Variants in C1QTNF9 observed in about 807,000 individuals in gnomAD.
C1QTNF9 encodes complement C1q and tumor necrosis factor-related protein 9A.
In C1QTNF9, 6 loss-of-function variants were observed where a neutral mutation model predicts 10.1. That is an observed-to-expected ratio of 0.59 (90% CI 0.32 to 1.17). C1QTNF9 has a LOEUF of 1.17. C1QTNF9 is among the 50% of genes most tolerant of loss of function. The pLI, the probability that C1QTNF9 is intolerant of heterozygous loss-of-function variation, is 0.04. For synonymous variants in C1QTNF9, 98 were observed against 163.5 expected, an observed-to-expected ratio of 0.60 and a Z score of 3.06; for missense variants, 201 against 418.8, an observed-to-expected ratio of 0.48 and a Z score of 4.54.
Position 24,318,804 on chromosome 13 carries a change from G to A in C1QTNF9, c.167-14G>A, listed in dbSNP as rs181829504. ...GAATTTCAACTCATGCCTGTTTTCT[G>A]CTTTTCCACCTAGGAGAACCAGGAC... On this transcript the variant is annotated splice_polypyrimidine_tract_variant and intron_variant, in intron 2 of 3. Transcript: ENST00000332018. 104 of 1,614,218 alleles carry A rather than the reference G, an allele frequency of 6.4e-5. No homozygotes were observed. The Admixed American group carries it at 1.7e-3, about 26-fold the overall frequency.
chr13:24,316,755 G>T (rs1420206925), intron 2 of C1QTNF9, among the ~76,000 whole-genome samples: 1 of 152,168 alleles, frequency 6.6e-6, no homozygotes, highest in Non-Finnish European at 1.5e-5. Context: ...TGGGGGACAG[G>T]ATTCAGCCTC....
At chr13:24,321,411 T>G in exon 4 of C1QTNF9, 1 of 1,609,360 alleles carries the variant, frequency 6.2e-7, no homozygotes, top group Non-Finnish European at 8.5e-7. Context: ...GCAAGTTTCC[T>G]TCTTCAGATA....
intron 3 of C1QTNF9, 67 bp downstream of exon 3, chr13:24,318,947 C>T: frequency 1.9e-6 from 3 of 1,579,282 alleles, no homozygotes; most frequent in Non-Finnish European, 2.6e-6. Context: ...TTACCATGGA[C>T]AAGTCCTCCA....
chr13:24,307,557 G>A (rs1877645502), upstream of C1QTNF9, among the ~76,000 whole-genome samples: 1 of 152,224 alleles, frequency 6.6e-6, no homozygotes, highest in South Asian at 2.1e-4. Context: ...TTCCTATGAA[G>A]GCTGCCAAGT....
intron 1 of C1QTNF9, among the ~76,000 whole-genome samples, chr13:24,310,918 A>C (rs75784073): frequency 9.9e-5 from 15 of 151,462 alleles, no homozygotes; most frequent in African/African-American, 2.7e-4. Context: ...TCTCAAAAAA[A>C]AAAAAAAAAA....
chr13:24,316,459 C>T (rs537428607), intron 2 of C1QTNF9, among the ~76,000 whole-genome samples: 136 of 152,222 alleles, frequency 8.9e-4, no homozygotes, highest in African/African-American at 2.9e-3. Context: ...TCTCTGACAC[C>T]GCAGAACATT....
intron 1 of C1QTNF9, among the ~76,000 whole-genome samples, chr13:24,310,651 C>A (rs1319349128): frequency 6.6e-6 from 1 of 151,642 alleles, no homozygotes; most frequent in East Asian, 2.0e-4. Flanking sequence ...CGGTGGCTCA[C>A]ACCTGTAATC....
At chr13:24,311,050 T>A (rs755456834) in intron 1 of C1QTNF9, among the ~76,000 whole-genome samples, 1 of 152,138 alleles carries the variant, frequency 6.6e-6, no homozygotes, top group Non-Finnish European at 1.5e-5. Context: ...CGGGAGGGCA[T>A]TCGTCCTTTC....
At chr13:24,315,012 A>C in intron 1 of C1QTNF9, among the ~76,000 whole-genome samples, 1 of 152,182 alleles carries the variant, frequency 6.6e-6, no homozygotes, top group East Asian at 1.9e-4. Flanking sequence ...TTTTTTAAAA[A>C]TTTAATTTAA....
At chr13:24,309,094 C>G (rs1198578415), upstream of C1QTNF9, among the ~76,000 whole-genome samples, 1 of 151,850 alleles carries the variant, frequency 6.6e-6, no homozygotes, top group African/African-American at 2.4e-5. Flanking sequence ...AGCCACTTAA[C>G]AGTTAGCAGC....
intron 2 of C1QTNF9, among the ~76,000 whole-genome samples, chr13:24,316,740 G>A (rs1415120345): frequency 1.3e-5 from 2 of 152,178 alleles, no homozygotes; most frequent in Non-Finnish European, 2.9e-5. Context: ...CAGGGTCTGG[G>A]GATCTGGGGG....
chr13:24,312,817 T>C (rs1258315715), intron 1 of C1QTNF9, among the ~76,000 whole-genome samples: 1 of 151,766 alleles, frequency 6.6e-6, no homozygotes, highest in African/African-American at 2.4e-5. Flanking sequence ...TACCCGGGCA[T>C]GGTAGTGGGT....
chr13:24,308,046 C>T (rs1475943698), upstream of C1QTNF9, among the ~76,000 whole-genome samples: 3 of 152,190 alleles, frequency 2.0e-5, no homozygotes, highest in African/African-American at 7.2e-5. Context: ...AAAGCGGGGC[C>T]GCAGGGCAGG....
chr13:24,320,084 T>C (rs1878191531), intron 3 of C1QTNF9, among the ~76,000 whole-genome samples: 1 of 152,068 alleles, frequency 6.6e-6, no homozygotes, highest in African/African-American at 2.4e-5. Flanking sequence ...GGGCTGGGGT[T>C]GGGCAGGAGA....
intron 3 of C1QTNF9, 146 bp downstream of exon 3, chr13:24,319,026 T>C (rs1878150672): frequency 5.3e-6 from 6 of 1,139,736 alleles, no homozygotes; most frequent in Non-Finnish European, 6.3e-6. Context: ...TCTGCAGGGA[T>C]TGGCAGGCTT....
chr13:24,308,360 G>A (rs2138796165), upstream of C1QTNF9, among the ~76,000 whole-genome samples: 1 of 152,342 alleles, frequency 6.6e-6, no homozygotes, highest in South Asian at 2.1e-4. Context: ...CGAGCAAGAG[G>A]GAGCCCGGCC....
chr13:24,308,678 G>A (rs1277857277), upstream of C1QTNF9, among the ~76,000 whole-genome samples: 1 of 152,106 alleles, frequency 6.6e-6, no homozygotes, highest in South Asian at 2.1e-4. Context: ...TGCTCTGTGC[G>A]TGGCCTCGCC....
upstream of C1QTNF9, among the ~76,000 whole-genome samples, chr13:24,309,251 C>T (rs1189190319): frequency 7.8e-6 from 1 of 128,882 alleles, no homozygotes; most frequent in Non-Finnish European, 1.6e-5. Flanking sequence ...CAAACCTGCA[C>T]GTTGTGCACA....
chr13:24,312,288 G>A lies in C1QTNF9; in HGVS notation c.-23+2672G>A, dbSNP rs140802327. Among the ~76,000 whole-genome samples, 540 of 152,334 alleles carry A rather than the reference G, an allele frequency of 3.5e-3. 3 individuals are homozygous for A. The highest frequency in any genetic ancestry group is 5.6e-3 in the Non-Finnish European group (380 of 68,030). On this transcript the variant is annotated intron_variant, in intron 1 of 3. Transcript: ENST00000332018. Reference sequence around the variant, plus strand: ...CCATCTTCATAAAGCTCTAACCCAGGTTGGTGCCTACTAAGTGATCATTAG... The same window carrying A: ...CCATCTTCATAAAGCTCTAACCCAGATTGGTGCCTACTAAGTGATCATTAG...
Sources: gnomAD v4.1 joint callset for allele counts (sites outside exome capture counted in the v4.1 genomes callset) on GRCh38, gnomAD v4.1.1 for gene constraint, MANE v1.5 for transcripts, NCBI Gene and HGNC (gene_info 2026-07-23, HGNC 2026-07-21) for gene names.